The following PCDH11Y variants were observed in gnomAD, a reference collection of about 807,000 sequenced individuals.
PCDH11Y encodes protocadherin 11 Y-linked.
For missense variants in PCDH11Y, 12 were observed against 224.8 expected (o/e 0.05, Z 6.05); for synonymous variants, 9 against 83.6 (o/e 0.11, Z 4.87).
intron 2 of PCDH11Y, among the ~76,000 whole-genome samples, chrY:5,324,357 T>C (rs2053116403): frequency 3.1e-5 from 1 of 32,649 alleles, no homozygotes; most frequent in Non-Finnish European, 7.4e-5. Context: ...TAAAAATTGT[T>C]GGGGAAAATT....
intron 2 of PCDH11Y, among the ~76,000 whole-genome samples, chrY:5,152,502 G>A: frequency 6.2e-5 from 2 of 32,445 alleles, no homozygotes; most frequent in African/African-American, 1.2e-4. Flanking sequence ...TTGTAGAAGT[G>A]TTTCTGTAAT....
At chrY:5,180,370 C>G (rs2266299) in intron 2 of PCDH11Y, among the ~76,000 whole-genome samples, 85 of 33,764 alleles carry the variant, frequency 2.5e-3, no homozygotes, top group African/African-American at 9.2e-3. Flanking sequence ...TTTAGAGTAA[C>G]TGCCATGTGG....
intron 3 of PCDH11Y, among the ~76,000 whole-genome samples, chrY:5,520,102 C>A: frequency 3.4e-5 from 1 of 29,201 alleles, no homozygotes; most frequent in Non-Finnish European, 8.1e-5. Flanking sequence ...ACCTGTAATC[C>A]CAGCTACTTG....
chrY:5,482,429 T>C, intron 2 of PCDH11Y, among the ~76,000 whole-genome samples: 1 of 33,932 alleles, frequency 2.9e-5, no homozygotes, highest in African/African-American at 1.2e-4. Context: ...ATTTAGAAGC[T>C]CTGATATGTA....
intron 2 of PCDH11Y, among the ~76,000 whole-genome samples, chrY:5,429,054 G>A: frequency 3.0e-5 from 1 of 33,404 alleles, no homozygotes; most frequent in Non-Finnish European, 7.4e-5. Context: ...ACCAGATGAA[G>A]TTAATATTAC....
At chrY:5,036,908 G>A in intron 3 of PCDH11Y, 1 of 84,623 alleles carries the variant, frequency 1.2e-5, no homozygotes, top group Non-Finnish European at 2.5e-5. Context: ...TTCATTCTAT[G>A]TATGAAAAAA....
At chrY:5,496,796 G>A in intron 2 of PCDH11Y, among the ~76,000 whole-genome samples, 2 of 31,596 alleles carry the variant, frequency 6.3e-5, no homozygotes, top group Admixed American at 5.9e-4. Context: ...CTCTCCCCTA[G>A]CCCCACACCC....
intron 2 of PCDH11Y, among the ~76,000 whole-genome samples, chrY:5,445,420 T>C: frequency 3.3e-5 from 1 of 30,516 alleles, no homozygotes; most frequent in Admixed American, 3.1e-4. Context: ...CTCTTTCTTC[T>C]TCCTCTTCTT....
intron 2 of PCDH11Y, among the ~76,000 whole-genome samples, chrY:5,137,928 A>G: frequency 3.0e-5 from 1 of 33,237 alleles, no homozygotes; most frequent in East Asian, 8.1e-4. Flanking sequence ...AATGGACTTG[A>G]TGGATATTTG....
chrY:5,357,235 GTATATATATATATACGTA>G (rs2053168532), intron 2 of PCDH11Y, among the ~76,000 whole-genome samples: 1 of 15,733 alleles, frequency 6.4e-5, no homozygotes, highest in African/African-American at 3.7e-4. Flanking sequence ...ATATATACGT[GTATATATATATATACGTA>G]TATATATATA....
intron 2 of PCDH11Y, among the ~76,000 whole-genome samples, chrY:5,258,805 T>C (rs2053014292): frequency 2.7e-4 from 9 of 33,286 alleles, no homozygotes; most frequent in Admixed American, 5.6e-4. Flanking sequence ...TCTGTAAATA[T>C]CTATTAGGTC....
rs1396990862 is a variant in PCDH11Y at position 5,127,667 on chromosome Y, A to G, written c.3129+26960A>G. The stretch of plus-strand genomic sequence containing the variant: ...GTAATTTTATAGAGAAATTCAGTTT[A>G]CAAAGTTTAGACTTATATATTTTTA... On this transcript the variant is annotated intron_variant, in intron 2 of 4. Coordinates refer to the PCDH11Y transcript ENST00000400457. 1.5e-4 allele frequency among the ~76,000 whole-genome samples: 5 copies of G among 33,427 alleles called. No homozygotes were observed. The East Asian group carries it at 3.9e-3, about 26-fold the overall frequency. 89.7% of individuals were successfully genotyped at this position (33,427 alleles called of 37,273 possible). A position where few individuals can be genotyped will look rare whatever the true frequency, so the allele number is the denominator to read the frequency against.
chrY:5,417,412 T>G, intron 2 of PCDH11Y, among the ~76,000 whole-genome samples: 1 of 31,271 alleles, frequency 3.2e-5, no homozygotes, highest in Non-Finnish European at 7.7e-5. Context: ...GCATTTGAAC[T>G]TGGAGATAGA....
chrY:5,205,942 A>G (rs2052931910), intron 2 of PCDH11Y, among the ~76,000 whole-genome samples: 1 of 31,692 alleles, frequency 3.2e-5, no homozygotes. Context: ...CCGAAATTGT[A>G]TATTCAACAA....
chrY:5,239,317 TCG>T (rs2052985292), intron 2 of PCDH11Y, among the ~76,000 whole-genome samples: 1 of 33,031 alleles, frequency 3.0e-5, no homozygotes, highest in Non-Finnish European at 7.4e-5. Context: ...CAGAAAACTA[TCG>T]CAAGGAGAAA....
chrY:5,330,745 A>G, intron 2 of PCDH11Y, among the ~76,000 whole-genome samples: 1 of 34,337 alleles, frequency 2.9e-5, no homozygotes, highest in Admixed American at 2.6e-4. Flanking sequence ...ATGTTAACTT[A>G]GAGAGAATCA....
chrY:5,421,089 A>C (rs1602922891), intron 2 of PCDH11Y, among the ~76,000 whole-genome samples: 1 of 21,518 alleles, frequency 4.6e-5, no homozygotes, highest in Non-Finnish European at 9.7e-5. Flanking sequence ...CACACACACA[A>C]ATTAGCCGAG....
intron 1 of PCDH11Y, among the ~76,000 whole-genome samples, chrY:5,067,312 G>A: frequency 3.2e-5 from 1 of 31,546 alleles, no homozygotes; most frequent in Non-Finnish European, 7.7e-5. Context: ...TAATAGACAA[G>A]ACTTCTTAAG....
At chrY:5,109,248 T>A (rs2124638674), downstream of PCDH11Y, among the ~76,000 whole-genome samples, 1 of 33,428 alleles carries the variant, frequency 3.0e-5, no homozygotes, top group South Asian at 6.4e-4. Context: ...CATGACATCT[T>A]TGGTTTAATG....
Sources: gnomAD v4.1 joint callset for allele counts (sites outside exome capture counted in the v4.1 genomes callset) on GRCh38, gnomAD v4.1.1 for gene constraint, MANE v1.5 for transcripts, NCBI Gene and HGNC (gene_info 2026-07-23, HGNC 2026-07-21) for gene names.